SCAPER: variants seen among roughly 807,000 people sequenced by gnomAD.
SCAPER encodes the protein S-phase cyclin A associated protein in the ER, also known as S phase cyclin A-associated protein in the endoplasmic reticulum.
Under a neutral mutation model 182.2 loss-of-function variants are expected in SCAPER, and 98 were observed. That is an observed-to-expected ratio of 0.54 (90% CI 0.46 to 0.64). The LOEUF is 0.64. SCAPER is among the 30% of genes least tolerant of loss of function. SCAPER has a pLI of 0.00. For missense variants in SCAPER, 1,432 were observed against 1,690.0 expected, an observed-to-expected ratio of 0.85 and a Z score of 2.68; for synonymous variants, 605 against 564.6, an observed-to-expected ratio of 1.07 and a Z score of -1.01.
In SCAPER at chr15:76,347,970, G is replaced by A. The variant is rs2040294840; in HGVS notation, c.*663C>T. 6.6e-6 allele frequency: 1 copy of A among 152,176 alleles called. No homozygotes were observed. Among genetic ancestry groups the A allele is most frequent in the Non-Finnish European group, 1.5e-5 (1 of 68,042 alleles). The allele number at this position is 152,176 out of a possible 1,614,324, so 9.4% of individuals were successfully genotyped here. ...CAACCATGTGAGAAAATACTCTAGG[G>A]TGATTCACTAGGACACATCTTTTTT... On this transcript the variant is annotated 3_prime_UTR_variant, in exon 32 of 32. Coordinates refer to ENST00000563290, the MANE Select transcript of SCAPER (RefSeq NM_020843.4).
chr15:76,376,772 C>CA (rs773440430), intron 28 of SCAPER, among the ~76,000 whole-genome samples: 1 of 151,708 alleles, frequency 6.6e-6, no homozygotes, highest in Non-Finnish European at 1.5e-5. Flanking sequence ...TATGTTTAAA[C>CA]AAAAAATGTA....
chr15:76,858,352 G>C (rs904212682), intron 3 of SCAPER, among the ~76,000 whole-genome samples: 4 of 152,142 alleles, frequency 2.6e-5, no homozygotes, highest in Non-Finnish European at 5.9e-5. Context: ...TGCGAAAAGT[G>C]AGGTTTCAGT....
intron 2 of SCAPER, among the ~76,000 whole-genome samples, chr15:76,866,226 A>G (rs906764422): frequency 1.3e-5 from 2 of 151,888 alleles, no homozygotes; most frequent in Non-Finnish European, 2.9e-5. Context: ...ATCCTGTGAG[A>G]CAGAGAGAGA....
intron 20 of SCAPER, among the ~76,000 whole-genome samples, chr15:76,694,950 A>G (rs1311638239): frequency 2.0e-5 from 3 of 152,262 alleles, no homozygotes; most frequent in South Asian, 4.1e-4. Flanking sequence ...AAAACCAATC[A>G]TAAGATGGAG....
At chr15:76,382,689 C>T (rs2043030011) in intron 27 of SCAPER, among the ~76,000 whole-genome samples, 1 of 152,138 alleles carries the variant, frequency 6.6e-6, no homozygotes, top group South Asian at 2.1e-4. Flanking sequence ...CAAGGGTGCC[C>T]AGGCCTAAGG....
intron 20 of SCAPER, among the ~76,000 whole-genome samples, chr15:76,688,172 C>T (rs1420512104): frequency 6.6e-6 from 1 of 151,948 alleles, no homozygotes; most frequent in Non-Finnish European, 1.5e-5. Flanking sequence ...TTTTGATTTG[C>T]ATTTCTCTAA....
At chr15:76,755,503 A>C (rs925239976) in intron 14 of SCAPER, among the ~76,000 whole-genome samples, 14 of 152,212 alleles carry the variant, frequency 9.2e-5, no homozygotes, top group African/African-American at 3.1e-4. Flanking sequence ...TAATACCAGA[A>C]GGTAACGAAA....
chr15:76,391,199 G>C (rs1255920940), intron 27 of SCAPER, among the ~76,000 whole-genome samples: 6 of 152,094 alleles, frequency 3.9e-5, no homozygotes, highest in African/African-American at 9.7e-5. Context: ...CCCTTTGCTT[G>C]GGTCTTTACA....
intron 5 of SCAPER, among the ~76,000 whole-genome samples, chr15:76,821,831 C>G (rs998143231): frequency 6.6e-6 from 1 of 151,836 alleles, no homozygotes; most frequent in African/African-American, 2.4e-5. Flanking sequence ...ATTTCTTGAA[C>G]CCAGGAATTT....
chr15:76,799,410 A>G (rs117541925), intron 7 of SCAPER, among the ~76,000 whole-genome samples: 9,830 of 144,960 alleles, frequency 0.068, 368 homozygotes, highest in Middle Eastern at 0.11. Flanking sequence ...TTACAGGCAC[A>G]TGCCACGACA....
intron 1 of SCAPER, among the ~76,000 whole-genome samples, chr15:76,887,151 A>T (rs112509200): frequency 4.7e-4 from 71 of 152,306 alleles, no homozygotes; most frequent in African/African-American, 1.6e-3. Context: ...CTGAACTTAA[A>T]ATAAAAGTTT....
chr15:76,674,829 A>G (rs1250026568), intron 20 of SCAPER, among the ~76,000 whole-genome samples: 1 of 127,736 alleles, frequency 7.8e-6, no homozygotes, highest in African/African-American at 3.1e-5. Context: ...TACATAATAT[A>G]TATTTTGTGT....
intron 20 of SCAPER, among the ~76,000 whole-genome samples, chr15:76,700,435 G>T (rs1397085482): frequency 1.3e-5 from 2 of 152,182 alleles, no homozygotes; most frequent in African/African-American, 4.8e-5. Flanking sequence ...TGGTGAGAGT[G>T]GACCACTCCT....
At chr15:76,645,421 C>T (rs1453208140) in intron 21 of SCAPER, among the ~76,000 whole-genome samples, 1 of 152,064 alleles carries the variant, frequency 6.6e-6, no homozygotes, top group Non-Finnish European at 1.5e-5. Flanking sequence ...CTTATGAATA[C>T]CAATACAATG....
chr15:76,399,705 A>C (rs945143690), intron 27 of SCAPER, among the ~76,000 whole-genome samples: 2 of 152,170 alleles, frequency 1.3e-5, no homozygotes, highest in African/African-American at 4.8e-5. Context: ...GTGTTTCGGA[A>C]AACCTAGGTA....
chr15:76,810,703 T>G (rs1001189627), intron 5 of SCAPER, among the ~76,000 whole-genome samples: 17 of 151,998 alleles, frequency 1.1e-4, no homozygotes, highest in Non-Finnish European at 2.1e-4. Context: ...CTAAACTCCC[T>G]GATAAAAAAT....
At chr15:76,575,401 C>T (rs1432589616) in intron 22 of SCAPER, among the ~76,000 whole-genome samples, 1 of 152,176 alleles carries the variant, frequency 6.6e-6, no homozygotes, top group Non-Finnish European at 1.5e-5. Flanking sequence ...CTCTCTTTTG[C>T]TTTCATAAGA....
intron 4 of SCAPER, among the ~76,000 whole-genome samples, chr15:76,848,694 T>C (rs1440151333): frequency 6.6e-6 from 1 of 152,212 alleles, no homozygotes; most frequent in Non-Finnish European, 1.5e-5. Context: ...TAAAGGAACA[T>C]TAAATAACAC....
chr15:76,693,666 C>A (rs569967643), intron 20 of SCAPER, among the ~76,000 whole-genome samples: 1 of 151,926 alleles, frequency 6.6e-6, no homozygotes, highest in Non-Finnish European at 1.5e-5. Flanking sequence ...TATTATTCAG[C>A]CCTTTAAAAA....
Sources: allele counts gnomAD v4.1 joint callset (sites outside exome capture counted in the v4.1 genomes callset), GRCh38; gene constraint gnomAD v4.1.1; transcripts MANE v1.5; gene names NCBI Gene and HGNC (gene_info 2026-07-23, HGNC 2026-07-21).